Variants in RARB observed in about 807,000 individuals in gnomAD.
RARB encodes retinoic acid receptor beta.
A neutral mutation model predicts 51.9 loss-of-function variants in RARB; 17 were observed. The ratio of observed to expected loss-of-function variants is 0.33; its 90% CI spans 0.22 to 0.49. The LOEUF (loss-of-function observed/expected upper bound fraction) is 0.49. Ranked by LOEUF, RARB falls within the 20% of genes least tolerant of loss-of-function variation. The pLI, the probability that RARB is intolerant of heterozygous loss-of-function variation, is 0.99. For synonymous variants in RARB, 215 were observed against 195.4 expected (o/e 1.10, Z -0.84); for missense variants, 369 against 550.8 (o/e 0.67, Z 3.30).
At chr3:25,540,221 G>A (rs566054506) in intron 3 of RARB, among the ~76,000 whole-genome samples, 2 of 152,252 alleles carry the variant, frequency 1.3e-5, no homozygotes, top group East Asian at 1.9e-4. Context: ...TCCAGCCAGC[G>A]AGACCATGGA....
chr3:25,298,796 G>T (rs994761513), intron 5 of RARB, among the ~76,000 whole-genome samples: 15 of 152,144 alleles, frequency 9.9e-5, no homozygotes, highest in African/African-American at 3.6e-4. Context: ...TTTACAACCT[G>T]ATTCATGGAC....
chr3:25,336,638 T>C (rs1233693987), intron 5 of RARB, among the ~76,000 whole-genome samples: 1 of 152,122 alleles, frequency 6.6e-6, no homozygotes, highest in Non-Finnish European at 1.5e-5. Flanking sequence ...CAACAACATA[T>C]GGTACTTGAA....
chr3:25,250,139 C>A (rs1335350958), intron 5 of RARB, among the ~76,000 whole-genome samples: 1 of 152,078 alleles, frequency 6.6e-6, no homozygotes, highest in Non-Finnish European at 1.5e-5. Flanking sequence ...CTGCAGGTGG[C>A]ATGTACAGGT....
intron 2 of RARB, among the ~76,000 whole-genome samples, chr3:25,008,576 G>A (rs1187142595): frequency 6.6e-6 from 1 of 152,104 alleles, no homozygotes; most frequent in Non-Finnish European, 1.5e-5. Flanking sequence ...GCTCACCTCA[G>A]TAAGATTTTC....
intron 2 of RARB, among the ~76,000 whole-genome samples, chr3:25,487,583 C>T (rs962198420): frequency 1.3e-5 from 2 of 151,438 alleles, no homozygotes; most frequent in African/African-American, 4.9e-5. Context: ...TGATTCAGAT[C>T]AGTATATTTT....
At chr3:25,238,008 G>C (rs1228776252) in intron 5 of RARB, among the ~76,000 whole-genome samples, 1 of 152,062 alleles carries the variant, frequency 6.6e-6, no homozygotes, top group Non-Finnish European at 1.5e-5. Flanking sequence ...CTACATGTCA[G>C]GAACATTTCA....
chr3:25,537,710 TCTC>T (rs1699200077), intron 3 of RARB, among the ~76,000 whole-genome samples: 1 of 152,210 alleles, frequency 6.6e-6, no homozygotes, highest in South Asian at 2.1e-4. Flanking sequence ...GATTTACGAC[TCTC>T]TTCTTGAATG....
intron 3 of RARB, among the ~76,000 whole-genome samples, chr3:25,111,201 G>C (rs1699595397): frequency 6.6e-6 from 1 of 152,108 alleles, no homozygotes. Context: ...TTTATTAAGA[G>C]ATATATTTAT....
intron 2 of RARB, among the ~76,000 whole-genome samples, chr3:25,484,394 C>T (rs1271016910): frequency 1.3e-5 from 2 of 151,832 alleles, no homozygotes; most frequent in African/African-American, 2.4e-5. Flanking sequence ...TGTATGTGTA[C>T]GTGTGTGCAT....
intron 2 of RARB, among the ~76,000 whole-genome samples, chr3:25,497,199 A>G (rs1352984885): frequency 6.6e-6 from 1 of 152,156 alleles, no homozygotes; most frequent in Non-Finnish European, 1.5e-5. Flanking sequence ...ACCAGGTCTT[A>G]AGACTTCTAG....
intron 2 of RARB, among the ~76,000 whole-genome samples, chr3:24,914,900 C>T (rs1695073443): frequency 6.6e-6 from 1 of 152,142 alleles, no homozygotes; most frequent in Non-Finnish European, 1.5e-5. Flanking sequence ...ATAAATGTAC[C>T]TCACTGTGAC....
intron 2 of RARB, among the ~76,000 whole-genome samples, chr3:25,488,449 C>G (rs1696571174): frequency 6.6e-6 from 1 of 152,170 alleles, no homozygotes; most frequent in South Asian, 2.1e-4. Context: ...TCTCTTTTGT[C>G]CTTCTGGAGA....
At chr3:25,159,491 G>C (rs1700440897) in intron 4 of RARB, among the ~76,000 whole-genome samples, 1 of 151,408 alleles carries the variant, frequency 6.6e-6, no homozygotes, top group Non-Finnish European at 1.5e-5. Flanking sequence ...AAAGTGTCTT[G>C]AGTAATAGCG....
intron 3 of RARB, among the ~76,000 whole-genome samples, chr3:25,108,684 G>A (rs982098049): frequency 5.3e-5 from 8 of 152,158 alleles, no homozygotes; most frequent in Non-Finnish European, 1.0e-4. Context: ...TTTGTATAGA[G>A]AGTTTGTGAC....
Position 25,246,664 on chromosome 3 carries a change from A to T in RARB, c.178+72089A>T, listed in dbSNP as rs1278312891. On this transcript the variant is annotated intron_variant, in intron 5 of 11. Coordinates refer to the RARB transcript ENST00000383772. ...CACCAGTGGAGGCTGCAGAAGAGCA[A>T]ATATTGCTGTGTGCTCCTCCCTCTG... Among the ~76,000 whole-genome samples, 4 of 152,016 alleles carry T rather than the reference A, an allele frequency of 2.6e-5. No homozygotes were observed. In the East Asian group the frequency reaches 7.7e-4, roughly 29 times the overall value.
At chr3:24,860,078 T>G (rs1282152926) in intron 2 of RARB, among the ~76,000 whole-genome samples, 1 of 152,234 alleles carries the variant, frequency 6.6e-6, no homozygotes, top group Non-Finnish European at 1.5e-5. Context: ...TGGTTTGTGA[T>G]GCTGCCAGGA....
chr3:25,556,939 C>T (rs1410977305), intron 3 of RARB, among the ~76,000 whole-genome samples: 1 of 152,146 alleles, frequency 6.6e-6, no homozygotes, highest in Non-Finnish European at 1.5e-5. Flanking sequence ...CATTTCAAAG[C>T]CAAGGGCAAG....
At chr3:25,116,113 G>A (rs1699683659) in intron 3 of RARB, among the ~76,000 whole-genome samples, 1 of 152,104 alleles carries the variant, frequency 6.6e-6, no homozygotes, top group South Asian at 2.1e-4. Flanking sequence ...TATTCTACCA[G>A]TTCATTTTCT....
chr3:25,557,695 A>G (rs913880760), intron 3 of RARB, among the ~76,000 whole-genome samples: 7 of 152,090 alleles, frequency 4.6e-5, no homozygotes, highest in African/African-American at 1.7e-4. Context: ...ACTTCTAGCA[A>G]CTACTTCAGT....
Sources: gnomAD v4.1 joint callset for allele counts (sites outside exome capture counted in the v4.1 genomes callset) on GRCh38, gnomAD v4.1.1 for gene constraint, MANE v1.5 for transcripts, NCBI Gene and HGNC (gene_info 2026-07-23, HGNC 2026-07-21) for gene names.